CACNA2D3: variants seen among roughly 807,000 people sequenced by gnomAD.
CACNA2D3 encodes calcium voltage-gated channel auxiliary subunit alpha2delta 3.
In CACNA2D3, 60 loss-of-function variants were observed where a neutral mutation model predicts 160.6. The observed-to-expected ratio is 0.37, with a 90% CI of 0.30 to 0.46. The LOEUF is 0.46. Among genes scored for constraint, CACNA2D3 ranks in the 20% least tolerant of loss-of-function variants. The pLI is 1.00. For synonymous variants in CACNA2D3, 558 were observed against 492.9 expected, an observed-to-expected ratio of 1.13 and a Z score of -1.75; for missense variants, 1,205 against 1,365.0, an observed-to-expected ratio of 0.88 and a Z score of 1.85.
intron 27 of CACNA2D3, among the ~76,000 whole-genome samples, chr3:54,946,505 G>A (rs1348734216): frequency 3.3e-5 from 5 of 152,154 alleles, no homozygotes; most frequent in Admixed American, 6.5e-5. Flanking sequence ...TGTGAGGGCC[G>A]TTAGCAGCAG....
intron 2 of CACNA2D3, among the ~76,000 whole-genome samples, chr3:54,315,814 G>A (rs1461744612): frequency 6.6e-6 from 1 of 152,190 alleles, no homozygotes; most frequent in Non-Finnish European, 1.5e-5. Flanking sequence ...GACTTCCTTA[G>A]ACTCTGGTAA....
chr3:54,132,168 A>G (rs1185095319), intron 2 of CACNA2D3, among the ~76,000 whole-genome samples: 2 of 152,198 alleles, frequency 1.3e-5, no homozygotes, highest in African/African-American at 4.8e-5. Context: ...CCCCACTGAC[A>G]TAATAATAGT....
At chr3:54,334,868 AACTC>A (rs1704340547) in intron 3 of CACNA2D3, among the ~76,000 whole-genome samples, 1 of 152,204 alleles carries the variant, frequency 6.6e-6, no homozygotes, top group African/African-American at 2.4e-5. Flanking sequence ...TTGGGCACCA[AACTC>A]ACTCAGCTCA....
intron 27 of CACNA2D3, among the ~76,000 whole-genome samples, chr3:54,944,810 T>TGG (rs974378835): frequency 3.7e-5 from 5 of 135,202 alleles, no homozygotes; most frequent in South Asian, 2.2e-4. Context: ...TAGTTAGAGC[T>TGG]GGGGGTGTGT....
chr3:54,447,351 AG>A (rs1442530126), intron 4 of CACNA2D3, among the ~76,000 whole-genome samples: 2 of 152,244 alleles, frequency 1.3e-5, no homozygotes, highest in Non-Finnish European at 2.9e-5. Flanking sequence ...AAGTTGTCTG[AG>A]GCAAACATCA....
intron 11 of CACNA2D3, among the ~76,000 whole-genome samples, chr3:54,739,623 T>A (rs1410012101): frequency 2.0e-5 from 3 of 151,952 alleles, no homozygotes; most frequent in Non-Finnish European, 2.9e-5. Context: ...TACATGATCC[T>A]CCTTATCAAC....
rs1418394472 is a variant in CACNA2D3, at chr3:54,661,838, ATGTGTGTATGTGTGTGTGTGTGTGTG to A, written c.1167+19605_1167+19630del. ...TATGGTTCACACAGACATCTCAGGG[ATGTGTGTATGTGTGTGTGTGTGTGTG>A]TGTGTGTGTGTGTGTGTGTGTGTGT... On this transcript the variant is annotated intron_variant, in intron 11 of 37. Transcript: ENST00000474759. 6.9e-4 allele frequency among the ~76,000 whole-genome samples: 101 copies of A among 146,830 alleles called. 1 individual carries two copies. The highest frequency in any genetic ancestry group is 2.0e-3 in the African/African-American group (78 of 39,050).
chr3:54,226,733 C>A (rs932034860), intron 2 of CACNA2D3, among the ~76,000 whole-genome samples: 2 of 152,188 alleles, frequency 1.3e-5, no homozygotes, highest in African/African-American at 2.4e-5. Flanking sequence ...GCTTCTCAGC[C>A]TTCAGCCACG....
intron 26 of CACNA2D3, among the ~76,000 whole-genome samples, chr3:54,897,784 A>C (rs1327632800): frequency 6.6e-6 from 1 of 152,226 alleles, no homozygotes; most frequent in East Asian, 1.9e-4. Flanking sequence ...ATTTTCAGAA[A>C]GGGTGCTTTT....
intron 35 of CACNA2D3, among the ~76,000 whole-genome samples, chr3:55,058,733 TAAAAC>T (rs1210730877): frequency 7.2e-5 from 11 of 151,926 alleles, no homozygotes; most frequent in Admixed American, 5.2e-4. Flanking sequence ...GTGTAAAAAA[TAAAAC>T]AAAAATCACA....
chr3:54,411,151 A>C (rs1575440716), intron 4 of CACNA2D3, among the ~76,000 whole-genome samples: 1 of 152,218 alleles, frequency 6.6e-6, no homozygotes, highest in African/African-American at 2.4e-5. Context: ...TGGATGAACA[A>C]AGTGGCTTCT....
At position 54,345,596 on chromosome 3, in the gene CACNA2D3, A is replaced by G. The variant is rs374659380; in HGVS notation, c.321+25038A>G. Among the ~76,000 whole-genome samples, 101 of 152,190 alleles carry G rather than the reference A, an allele frequency of 6.6e-4. 2 individuals are homozygous for G. The South Asian group carries it at 0.021, about 31-fold the overall frequency. On this transcript the variant is annotated intron_variant, in intron 3 of 37. Coordinates refer to ENST00000474759, the MANE Select transcript of CACNA2D3 (RefSeq NM_018398.3). ...GGATCGGAGTTCCCGAGAGGCTGAG[A>G]CATTGTTTTTCCTTGTCTCAATTAA...
chr3:54,603,553 T>C (rs1412492116), intron 9 of CACNA2D3, among the ~76,000 whole-genome samples: 3 of 152,330 alleles, frequency 2.0e-5, no homozygotes, highest in Non-Finnish European at 4.4e-5. Context: ...TCACTGTTCC[T>C]GACCCGGGGA....
intron 11 of CACNA2D3, among the ~76,000 whole-genome samples, chr3:54,689,580 C>A (rs535520205): frequency 5.3e-4 from 81 of 152,118 alleles, no homozygotes; most frequent in Non-Finnish European, 1.0e-3. Flanking sequence ...TCAGCCACCC[C>A]CAGTGTGTTC....
At position 54,313,412 on chromosome 3, in the gene CACNA2D3, C is replaced by T. The variant is rs1184705200; in HGVS notation, c.205-7030C>T. 3.3e-5 allele frequency among the ~76,000 whole-genome samples: 5 copies of T among 152,270 alleles called. No homozygotes were observed. In the East Asian group the frequency reaches 9.7e-4, roughly 29 times the overall value. ...TTGCCCCCTTACTCTATTCTGCACACTGAGGTTATTCAAAAGTACAGACCT... is the reference window on the plus strand; with the variant it reads ...TTGCCCCCTTACTCTATTCTGCACATTGAGGTTATTCAAAAGTACAGACCT... On this transcript the variant is annotated intron_variant, in intron 2 of 37. Coordinates refer to ENST00000474759, the MANE Select transcript of CACNA2D3 (RefSeq NM_018398.3).
At chr3:55,011,964 G>A (rs541397677) in intron 34 of CACNA2D3, among the ~76,000 whole-genome samples, 91 of 152,280 alleles carry the variant, frequency 6.0e-4, no homozygotes, top group Non-Finnish European at 1.2e-3. Flanking sequence ...ATAGAGCCCA[G>A]GAAAATGAGT....
chr3:54,959,367 G>A (rs1295415880), intron 27 of CACNA2D3, among the ~76,000 whole-genome samples: 2 of 152,168 alleles, frequency 1.3e-5, no homozygotes, highest in Non-Finnish European at 2.9e-5. Flanking sequence ...TGCCATCTCC[G>A]TGCCCTGTAA....
intron 10 of CACNA2D3, among the ~76,000 whole-genome samples, chr3:54,640,532 A>G (rs917618894): frequency 1.3e-5 from 2 of 152,130 alleles, no homozygotes; most frequent in African/African-American, 4.8e-5. Flanking sequence ...GCTGCCTACC[A>G]CTCACAAAGG....
intron 2 of CACNA2D3, among the ~76,000 whole-genome samples, chr3:54,305,985 T>G (rs1703590093): frequency 6.6e-6 from 1 of 152,230 alleles, no homozygotes; most frequent in Non-Finnish European, 1.5e-5. Context: ...TCTCATTGTT[T>G]AATGCACCCA....
Sources: allele counts gnomAD v4.1 joint callset (sites outside exome capture counted in the v4.1 genomes callset), GRCh38; gene constraint gnomAD v4.1.1; transcripts MANE v1.5; gene names NCBI Gene and HGNC (gene_info 2026-07-23, HGNC 2026-07-21).